Variants in IPPK observed in about 807,000 individuals in gnomAD.
The protein encoded by IPPK is inositol-pentakisphosphate 2-kinase, also known as IPK1 homolog.
A neutral mutation model predicts 64.6 loss-of-function variants in IPPK; 22 were observed. The ratio of observed to expected loss-of-function variants is 0.34; its 90% CI spans 0.24 to 0.49. The LOEUF (loss-of-function observed/expected upper bound fraction) is 0.49. IPPK is among the 20% of genes least tolerant of loss of function. The pLI, the probability that IPPK is intolerant of heterozygous loss-of-function variation, is 0.99. For missense variants in IPPK, 532 were observed against 630.7 expected (o/e 0.84, Z 1.68); for synonymous variants, 262 against 247.2 (o/e 1.06, Z -0.56).
At chr9:92,621,665 C>A (rs569008948) in intron 11 of IPPK, among the ~76,000 whole-genome samples, 1 of 152,050 alleles carries the variant, frequency 6.6e-6, no homozygotes, top group Admixed American at 6.5e-5. Context: ...CAGGTATGCA[C>A]CACCATACTC....
chr9:92,621,328 TAAAA>T (rs796145157), intron 11 of IPPK, among the ~76,000 whole-genome samples: 9 of 151,968 alleles, frequency 5.9e-5, no homozygotes, highest in African/African-American at 2.2e-4. Flanking sequence ...GAAAAGATAA[TAAAA>T]GAACATTACC....
Position 92,635,533 on chromosome 9 carries a change from G to A in IPPK, c.917-225C>T, listed in dbSNP as rs1851925670. ...TGCCTGGACCACACTGGATGCACCA[G>A]GCCAAGCACAAAGGAGGGAGCAAGA... On this transcript the variant is annotated intron_variant, in intron 9 of 12. Transcript: ENST00000287996. This position sits in a 1 kb window ranked among gnomAD's most constrained non-coding sequence, Gnocchi z 4.4. 6.6e-6 allele frequency among the ~76,000 whole-genome samples: 1 copy of A among 152,162 alleles called. No homozygotes were observed. The highest frequency in any genetic ancestry group is 2.1e-4 in the South Asian group (1 of 4,830).
chr9:92,646,876 G>A (rs369597622), intron 6 of IPPK, among the ~76,000 whole-genome samples: 19 of 152,096 alleles, frequency 1.2e-4, no homozygotes, highest in African/African-American at 4.1e-4. Flanking sequence ...GGTGCAGAAC[G>A]AGACTCCGTC....
chr9:92,656,810 G>A (rs570460548), intron 2 of IPPK, among the ~76,000 whole-genome samples: 3 of 152,260 alleles, frequency 2.0e-5, no homozygotes, highest in South Asian at 2.1e-4. Flanking sequence ...CACTGCTGCC[G>A]CCTCCCGTCT....
intron 11 of IPPK, among the ~76,000 whole-genome samples, chr9:92,630,941 C>T (rs879260172): frequency 1.3e-5 from 2 of 152,084 alleles, no homozygotes; most frequent in Non-Finnish European, 1.5e-5. Flanking sequence ...GGCTGGGGGC[C>T]AAATGCAGCC....
chr9:92,624,781 A>G lies in IPPK; in HGVS notation c.1171-5216T>C, dbSNP rs78610716. On this transcript the variant is annotated intron_variant, in intron 11 of 12. Coordinates refer to ENST00000287996, the MANE Select transcript of IPPK (RefSeq NM_022755.6). The stretch of plus-strand genomic sequence containing the variant: ...CACGAACCTGTCAAGGATGCTGAGA[A>G]AGGACTTACTATATATCCATTCATG... Among the ~76,000 whole-genome samples, 679 of 152,332 alleles carry G rather than the reference A, an allele frequency of 4.5e-3. 4 individuals are homozygous for G. Among genetic ancestry groups the G allele is most frequent in the African/African-American group, 0.014 (586 of 41,576 alleles).
intron 1 of IPPK, among the ~76,000 whole-genome samples, 182 bp downstream of exon 1, chr9:92,669,726 T>A (rs1023303770): frequency 8.5e-6 from 1 of 118,202 alleles, no homozygotes; most frequent in Non-Finnish European, 1.7e-5. Flanking sequence ...ACTGGGGTGA[T>A]GAGGAACCCA....
chr9:92,641,764 A>G (rs559357050), intron 7 of IPPK, among the ~76,000 whole-genome samples: 152 of 152,350 alleles, frequency 1.0e-3, no homozygotes, highest in Middle Eastern at 3.4e-3. Flanking sequence ...ACTCAGAGGC[A>G]GTGCTGAGCA....
intron 3 of IPPK, 68 bp from the exon 4 acceptor site, chr9:92,652,707 G>T: frequency 2.6e-6 from 2 of 761,800 alleles, no homozygotes; most frequent in South Asian, 2.0e-5. Flanking sequence ...CCACAGAACT[G>T]CATGCCTAAA....
chr9:92,647,806 T>C (rs1369100521), intron 6 of IPPK, among the ~76,000 whole-genome samples: 1 of 152,090 alleles, frequency 6.6e-6, no homozygotes, highest in Non-Finnish European at 1.5e-5. Context: ...GCAGGTGGAC[T>C]GCATGAGTCC....
At chr9:92,665,567 A>C (rs897301262) in intron 1 of IPPK, among the ~76,000 whole-genome samples, 6 of 152,242 alleles carry the variant, frequency 3.9e-5, no homozygotes, top group Non-Finnish European at 8.8e-5. Flanking sequence ...CCATTGTAGG[A>C]AATTCAGAAA....
At chr9:92,646,911 T>C (rs576667650) in intron 6 of IPPK, among the ~76,000 whole-genome samples, 52 of 151,644 alleles carry the variant, frequency 3.4e-4, no homozygotes, top group African/African-American at 1.2e-3. Context: ...AAAATAAAAT[T>C]AGAAAAAGAA....
intron 1 of IPPK, among the ~76,000 whole-genome samples, chr9:92,660,280 T>C (rs913160920): frequency 6.6e-6 from 1 of 152,146 alleles, no homozygotes; most frequent in African/African-American, 2.4e-5. Flanking sequence ...TAGCGATGTG[T>C]AAGTGTGACT....
At chr9:92,645,741 C>A (rs1403569487) in intron 6 of IPPK, among the ~76,000 whole-genome samples, 1 of 151,948 alleles carries the variant, frequency 6.6e-6, no homozygotes, top group Non-Finnish European at 1.5e-5. Context: ...AGATTGCCAT[C>A]CAAGAATTCT....
intron 4 of IPPK, among the ~76,000 whole-genome samples, chr9:92,651,108 T>C (rs1469083843): frequency 1.3e-5 from 2 of 151,810 alleles, no homozygotes; most frequent in Non-Finnish European, 2.9e-5. Flanking sequence ...CACTGTCCTG[T>C]GGCGTTCCCG....
intron 12 of IPPK, 28 bp from the exon 13 acceptor site, chr9:92,616,085 T>C (rs1851421698): frequency 2.0e-6 from 3 of 1,499,638 alleles, no homozygotes; most frequent in East Asian, 4.6e-5. Context: ...CATTTCAGGA[T>C]ACACAAGCCC....
chr9:92,635,959 C>T lies in IPPK; in HGVS notation c.917-651G>A, dbSNP rs972834699. Among the ~76,000 whole-genome samples the T allele has an allele frequency of 6.6e-6, 1 of 152,136 alleles. No homozygotes were observed. The highest frequency in any genetic ancestry group is 1.5e-5 in the Non-Finnish European group (1 of 68,018). ...AGGCACGAGCTCAGAACCAGCCACA[C>T]AGAGCCACAGACAGGGGTCAAAGCC... On this transcript the variant is annotated intron_variant, in intron 9 of 12. Coordinates refer to ENST00000287996, the MANE Select transcript of IPPK (RefSeq NM_022755.6). This position sits in a 1 kb window ranked among gnomAD's most constrained non-coding sequence, Gnocchi z 4.4.
chr9:92,634,592 T>C (rs1374093987), intron 10 of IPPK, 104 bp from the exon 11 acceptor site: 15 of 788,808 alleles, frequency 1.9e-5, no homozygotes, highest in South Asian at 9.0e-5. Context: ...ACATCACACA[T>C]TTTGTTTTGA....
chr9:92,639,551 C>T (rs571470587), intron 8 of IPPK, among the ~76,000 whole-genome samples: 2 of 152,182 alleles, frequency 1.3e-5, no homozygotes, highest in South Asian at 4.2e-4. Context: ...ATCCTCAGGA[C>T]TTTTCCAAGC....
Sources: gnomAD v4.1 joint callset for allele counts (sites outside exome capture counted in the v4.1 genomes callset) on GRCh38, gnomAD v4.1.1 for gene constraint, Gnocchi (gnomAD v3.1) non-coding constraint, MANE v1.5 for transcripts, NCBI Gene and HGNC (gene_info 2026-07-23, HGNC 2026-07-21) for gene names.